TANC1: variants seen among roughly 807,000 people sequenced by gnomAD.
The protein encoded by TANC1 is protein TANC1.
TANC1 carries 77 observed loss-of-function variants against 149.7 expected under a neutral mutation model. That is an observed-to-expected ratio of 0.51 (90% CI 0.43 to 0.62). The LOEUF (loss-of-function observed/expected upper bound fraction) is 0.62. Ranked by LOEUF, TANC1 falls within the 20% of genes least tolerant of loss-of-function variation. The pLI, the probability that TANC1 is intolerant of heterozygous loss-of-function variation, is 0.00. For synonymous variants in TANC1, 854 were observed against 925.0 expected, an observed-to-expected ratio of 0.92 and a Z score of 1.39; for missense variants, 1,985 against 2,321.8, an observed-to-expected ratio of 0.85 and a Z score of 2.98.
intron 26 of TANC1, 107 bp downstream of exon 26, chr2:159,229,003 C>G (rs776950088): frequency 3.7e-6 from 3 of 813,598 alleles, no homozygotes; most frequent in Non-Finnish European, 6.2e-6. Flanking sequence ...TCAGGTGCCT[C>G]TCATCCTTTT....
At chr2:159,024,225 A>G (rs1407344318) in intron 2 of TANC1, among the ~76,000 whole-genome samples, 3 of 152,236 alleles carry the variant, frequency 2.0e-5, no homozygotes, top group Non-Finnish European at 4.4e-5. Context: ...AGATTATAAT[A>G]GGAACTGGAA....
chr2:159,059,362 T>C (rs891428739), intron 2 of TANC1, among the ~76,000 whole-genome samples: 1 of 151,846 alleles, frequency 6.6e-6, no homozygotes, highest in Admixed American at 6.6e-5. Flanking sequence ...GCAGCTGGGC[T>C]TGGTGGTACA....
intron 2 of TANC1, among the ~76,000 whole-genome samples, chr2:159,025,189 T>TTTTTTTTCTTTC (rs1491417289): frequency 9.5e-6 from 1 of 105,222 alleles, no homozygotes; most frequent in African/African-American, 3.6e-5. Flanking sequence ...TTTTTCTTTC[T>TTTTTTTTCTTTC]TTTCTTTCTT....
intron 1 of TANC1, among the ~76,000 whole-genome samples, chr2:158,995,410 T>C (rs1463343090): frequency 6.6e-6 from 1 of 152,210 alleles, no homozygotes; most frequent in Non-Finnish European, 1.5e-5. Flanking sequence ...AAAACGTTAA[T>C]CTTTGAAAAC....
Position 159,194,262 on chromosome 2 carries a change from C to T in TANC1, c.2748C>T (p.Ser916=), listed in dbSNP as rs186207250. Residue 916 remains serine, a synonymous_variant, in exon 17 of 27, where the codon AGC becomes AGT. Transcript: ENST00000263635. ...RNLYTPNVKV[S]RLLILGGANV... is the part of the protein sequence containing the mutation. ...TGGGGGGCCTTGTCCAACAGGTGAG[C>T]CGTCTCCTGATTTTGGGAGGGGCCA... 33 of 1,613,052 alleles carry T rather than the reference C, an allele frequency of 2.0e-5. No individual in the cohort carries two copies. In the East Asian group the frequency reaches 6.2e-4, roughly 31 times the overall value.
intron 3 of TANC1, among the ~76,000 whole-genome samples, chr2:159,082,365 A>G (rs2044364035): frequency 1.1e-5 from 1 of 88,940 alleles, no homozygotes; most frequent in Non-Finnish European, 2.7e-5. Context: ...CATGTTTTAA[A>G]CTTGTTAAAA....
intron 4 of TANC1, among the ~76,000 whole-genome samples, chr2:159,130,176 A>G (rs904957203): frequency 2.0e-5 from 3 of 152,084 alleles, no homozygotes; most frequent in African/African-American, 7.2e-5. Flanking sequence ...TTATCCACAG[A>G]CAAGTCTTGT....
rs763918092 is a variant in TANC1, at chr2:159,179,178, T to C, written c.2510+15T>C. 15 of 1,595,386 alleles carry C rather than the reference T, an allele frequency of 9.4e-6. No homozygotes were observed. The South Asian group carries it at 1.7e-4, about 18-fold the overall frequency. The stretch of plus-strand genomic sequence containing the variant: ...TGTGAGCCCAGGTACGGCAGGCGCT[T>C]TCTTTCAGCTCTTTGCAGGGAATCT... On this transcript the variant is annotated intron_variant, in intron 14 of 26. Transcript: ENST00000263635.
At chr2:159,193,352 TCATC>T (rs1181504952) in intron 16 of TANC1, among the ~76,000 whole-genome samples, 2 of 152,224 alleles carry the variant, frequency 1.3e-5, no homozygotes, top group South Asian at 2.1e-4. Context: ...CACATTTTCT[TCATC>T]CATCCACTGA....
chr2:159,046,662 C>T (rs1216758342), intron 2 of TANC1, among the ~76,000 whole-genome samples: 1 of 140,630 alleles, frequency 7.1e-6, no homozygotes, highest in Non-Finnish European at 1.5e-5. Context: ...TGCAGCGGCA[C>T]AATCTCGGCT....
intron 3 of TANC1, among the ~76,000 whole-genome samples, chr2:159,069,637 A>G (rs935072906): frequency 1.3e-5 from 2 of 152,180 alleles, no homozygotes; most frequent in African/African-American, 2.4e-5. Context: ...TTTACAGTAG[A>G]TATAAGAGCC....
rs537681460 is a variant in TANC1 at position 159,149,294 on chromosome 2, A to G, written c.495+22A>G. The G allele has an allele frequency of 6.8e-6, 11 of 1,614,052 alleles. No homozygotes were observed. In the South Asian group the frequency reaches 1.2e-4, roughly 18 times the overall value. Reference sequence around the variant, plus strand: ...CATGGTAATGCCCGAGGAAGACACTACATTGCATACCTCTTCAGAGGATGA... The same window carrying G: ...CATGGTAATGCCCGAGGAAGACACTGCATTGCATACCTCTTCAGAGGATGA... On this transcript the variant is annotated intron_variant, in intron 6 of 26. Coordinates refer to ENST00000263635, the MANE Select transcript of TANC1 (RefSeq NM_033394.3).
chr2:159,217,181 C>T (rs2059401619), intron 19 of TANC1, among the ~76,000 whole-genome samples: 1 of 152,144 alleles, frequency 6.6e-6, no homozygotes, highest in African/African-American at 2.4e-5. Context: ...CAGCCATGCC[C>T]AGGCCTCAGT....
intron 5 of TANC1, among the ~76,000 whole-genome samples, chr2:159,141,095 G>T (rs1046792018): frequency 6.6e-6 from 1 of 152,194 alleles, no homozygotes; most frequent in Admixed American, 6.5e-5. Flanking sequence ...CATAAACTGA[G>T]TGGTTGATAA....
At chr2:159,104,581 C>A (rs2149973366) in intron 4 of TANC1, among the ~76,000 whole-genome samples, 1 of 94,104 alleles carries the variant, frequency 1.1e-5, no homozygotes. Flanking sequence ...CAAGGTCTTG[C>A]TGTGTCACCC....
intron 1 of TANC1, among the ~76,000 whole-genome samples, chr2:158,987,717 C>T (rs1362603704): frequency 6.6e-6 from 1 of 152,156 alleles, no homozygotes; most frequent in Non-Finnish European, 1.5e-5. Context: ...CCCTTTGCCC[C>T]ACTATGACCC....
chr2:158,986,925 G>C (rs776111448), intron 1 of TANC1, among the ~76,000 whole-genome samples: 1 of 151,942 alleles, frequency 6.6e-6, no homozygotes, highest in Non-Finnish European at 1.5e-5. Context: ...GCTTGATTCT[G>C]AGTACTTTTC....
intron 1 of TANC1, among the ~76,000 whole-genome samples, chr2:158,969,736 A>T (rs2032558247): frequency 6.6e-6 from 1 of 152,188 alleles, no homozygotes; most frequent in South Asian, 2.1e-4. Context: ...TTATTGTGTA[A>T]AGCTCCGGGA....
At chr2:159,062,160 C>T (rs2042281365) in intron 2 of TANC1, among the ~76,000 whole-genome samples, 2 of 152,106 alleles carry the variant, frequency 1.3e-5, no homozygotes, top group Admixed American at 1.3e-4. Context: ...ATTGCTTGAA[C>T]CCAGGAGGTG....
Sources: gnomAD v4.1 joint callset for allele counts (sites outside exome capture counted in the v4.1 genomes callset) on GRCh38, gnomAD v4.1.1 for gene constraint, MANE v1.5 for transcripts, NCBI Gene and HGNC (gene_info 2026-07-23, HGNC 2026-07-21) for gene names.